AURKA: variants seen among roughly 807,000 people sequenced by gnomAD.
AURKA encodes the protein aurora 2.
Under a neutral mutation model 40.9 loss-of-function variants are expected in AURKA, and 12 were observed. The ratio of observed to expected loss-of-function variants is 0.29; its 90% CI spans 0.19 to 0.48. The LOEUF is 0.48. AURKA is among the 20% of genes least tolerant of loss of function. The pLI is 0.99. For missense variants in AURKA, 322 were observed against 462.1 expected (o/e 0.70, Z 2.78); for synonymous variants, 170 against 164.3 (o/e 1.03, Z -0.26).
At chr20:56,375,121 G>C (rs940596336) in intron 6 of AURKA, among the ~76,000 whole-genome samples, 4 of 151,914 alleles carry the variant, frequency 2.6e-5, no homozygotes, top group Non-Finnish European at 5.9e-5. Flanking sequence ...CAGTATGTAT[G>C]TATTTACTTA....
chr20:56,381,618 A>T (rs755298682), intron 5 of AURKA, 47 bp from the exon 6 acceptor site: 2 of 1,608,202 alleles, frequency 1.2e-6, no homozygotes. Context: ...GAGCTCACAG[A>T]AGACTATGTA....
Position 56,369,447 on chromosome 20 carries a change from T to C in AURKA, c.*711A>G, listed in dbSNP as rs1181685858. The C allele has an allele frequency of 8.5e-6, 2 of 235,462 alleles. No homozygotes were observed. The highest frequency in any genetic ancestry group is 1.7e-4 in the South Asian group (1 of 5,820). 14.6% of individuals were successfully genotyped at this position (235,462 alleles called of 1,614,324 possible). A position where few individuals can be genotyped will look rare whatever the true frequency, so the allele number is the denominator to read the frequency against. Reference sequence around the variant, plus strand: ...GTTTACACACATGCTATGACTCCAATGTTTTAAAAAAATAAGCCCTTAACA... The same window carrying C: ...GTTTACACACATGCTATGACTCCAACGTTTTAAAAAAATAAGCCCTTAACA... On this transcript the variant is annotated 3_prime_UTR_variant, in exon 9 of 9. Coordinates refer to ENST00000395915, the MANE Select transcript of AURKA (RefSeq NM_198437.3).
At chr20:56,370,715 C>G in intron 7 of AURKA, 56 bp from the exon 8 acceptor site, 1 of 1,594,336 alleles carries the variant, frequency 6.3e-7, no homozygotes, top group African/African-American at 1.3e-5. Context: ...ATCACAACAG[C>G]TGCTAACAAT....
intron 1 of AURKA, chr20:56,388,903 C>T (rs1196774267): frequency 6.5e-6 from 1 of 152,702 alleles, no homozygotes; most frequent in Non-Finnish European, 1.5e-5. Context: ...TCCAGAAGAA[C>T]CGTCCACACT....
At chr20:56,377,964 G>A (rs764868675) in intron 6 of AURKA, among the ~76,000 whole-genome samples, 9 of 152,044 alleles carry the variant, frequency 5.9e-5, no homozygotes, top group Non-Finnish European at 1.0e-4. Flanking sequence ...CCAGGATTTC[G>A]AAACCGACCT....
At chr20:56,375,087 T>G (rs529485627) in intron 6 of AURKA, among the ~76,000 whole-genome samples, 2 of 152,132 alleles carry the variant, frequency 1.3e-5, no homozygotes, top group East Asian at 3.9e-4. Context: ...ACAGTCCCTA[T>G]CGCTAAGATT....
At chr20:56,386,199 CT>C (rs1227076920) in intron 3 of AURKA, 57 bp downstream of exon 3, 1 of 1,606,212 alleles carries the variant, frequency 6.2e-7, no homozygotes, top group South Asian at 1.1e-5. Context: ...TATACACTGG[CT>C]TTTTTAGCAA....
rs777727345 is a variant in AURKA, at chr20:56,370,152, C to A, written c.*6G>T. 6.2e-7 allele frequency: 1 copy of A among 1,612,270 alleles called. No individual in the cohort carries two copies. The highest frequency in any genetic ancestry group is 8.5e-7 in the Non-Finnish European group (1 of 1,179,978). On this transcript the variant is annotated 3_prime_UTR_variant, in exon 9 of 9. Coordinates refer to ENST00000395915, the MANE Select transcript of AURKA (RefSeq NM_198437.3). ...TGGCTCAAGGATTTCTCCCCCTGCACGATTCCTAAGACTGTTTGCTAGCTG... is the reference window on the plus strand; with the variant it reads ...TGGCTCAAGGATTTCTCCCCCTGCAAGATTCCTAAGACTGTTTGCTAGCTG...
chr20:56,377,723 G>A (rs933875506), intron 6 of AURKA, among the ~76,000 whole-genome samples: 1 of 152,002 alleles, frequency 6.6e-6, no homozygotes, highest in Non-Finnish European at 1.5e-5. Flanking sequence ...AGAGGCGGAG[G>A]TTGCAGTGAG....
rs993295491 is a variant in AURKA, at chr20:56,369,703, C to T, written c.*455G>A. ...CTTTATTTTCATACTTAAAAAGAATCACATACTCATTCCAACAGCTTTACC... is the reference window on the plus strand; with the variant it reads ...CTTTATTTTCATACTTAAAAAGAATTACATACTCATTCCAACAGCTTTACC... On this transcript the variant is annotated 3_prime_UTR_variant, in exon 9 of 9. Coordinates refer to ENST00000395915, the MANE Select transcript of AURKA (RefSeq NM_198437.3). 3 of 352,174 alleles carry T rather than the reference C, an allele frequency of 8.5e-6. No homozygotes were observed. The highest frequency in any genetic ancestry group is 6.0e-5 in the African/African-American group (3 of 49,852). The allele number at this position is 352,174 out of a possible 1,614,324, so 21.8% of individuals were successfully genotyped here.
At chr20:56,378,190 C>G (rs1985186490) in intron 6 of AURKA, among the ~76,000 whole-genome samples, 1 of 152,104 alleles carries the variant, frequency 6.6e-6, no homozygotes, top group Admixed American at 6.5e-5. Context: ...ACACTGACAT[C>G]AAATGTTGGC....
At chr20:56,386,592 T>C in intron 2 of AURKA, 59 bp from the exon 3 acceptor site, 1 of 1,596,318 alleles carries the variant, frequency 6.3e-7, no homozygotes, top group Non-Finnish European at 8.6e-7. Flanking sequence ...ATGAATATAT[T>C]GAGAATTTCA....
At chr20:56,383,723 G>A (rs1364151234) in intron 4 of AURKA, among the ~76,000 whole-genome samples, 25 of 152,180 alleles carry the variant, frequency 1.6e-4, no homozygotes, top group Non-Finnish European at 3.2e-4. Context: ...CTGTTAGACC[G>A]CTAAAAGCAA....
At chr20:56,391,245 A>G (rs1987074429) in intron 1 of AURKA, among the ~76,000 whole-genome samples, 1 of 152,238 alleles carries the variant, frequency 6.6e-6, no homozygotes, top group African/African-American at 2.4e-5. Flanking sequence ...GGACGAACTG[A>G]GTAGGTTGCT....
intron 6 of AURKA, among the ~76,000 whole-genome samples, chr20:56,378,932 G>T (rs995454891): frequency 1.3e-5 from 2 of 152,076 alleles, no homozygotes; most frequent in Admixed American, 6.5e-5. Flanking sequence ...TAAGAGCAGC[G>T]AAACTATTCT....
intron 6 of AURKA, among the ~76,000 whole-genome samples, chr20:56,379,636 C>G (rs1418829995): frequency 6.6e-6 from 1 of 152,066 alleles, no homozygotes; most frequent in Admixed American, 6.6e-5. Flanking sequence ...GAAATATACA[C>G]GATGAGGCCT....
chr20:56,390,603 G>A (rs545320258), intron 1 of AURKA: 17 of 152,124 alleles, frequency 1.1e-4, no homozygotes, highest in East Asian at 5.8e-4. Context: ...CACCGCGCCC[G>A]GCCTTCACTG....
At position 56,376,079 on chromosome 20, in the gene AURKA, TATA is replaced by T. The variant is rs554066428; in HGVS notation, c.706-2526_706-2524del. On this transcript the variant is annotated intron_variant, in intron 6 of 8. Transcript: ENST00000395915. ...GTAAGGAGAGAAAACAGAGAAGTAG[TATA>T]ATGTGTAATTTTGTAGTGTTGGTAT... is the stretch of plus-strand genomic sequence containing the variant. 5.3e-5 allele frequency among the ~76,000 whole-genome samples: 8 copies of T among 152,348 alleles called. No homozygotes were observed. The South Asian group carries it at 1.7e-3, about 32-fold the overall frequency.
chr20:56,383,367 G>A (rs1174400420), intron 4 of AURKA, among the ~76,000 whole-genome samples, 191 bp from the exon 5 acceptor site: 1 of 152,208 alleles, frequency 6.6e-6, no homozygotes, highest in Non-Finnish European at 1.5e-5. Context: ...GTCCCTAGCT[G>A]CCGTCAGGTG....
Sources: gnomAD v4.1 joint callset for allele counts (sites outside exome capture counted in the v4.1 genomes callset) on GRCh38, gnomAD v4.1.1 for gene constraint, MANE v1.5 for transcripts, NCBI Gene and HGNC (gene_info 2026-07-23, HGNC 2026-07-21) for gene names.